UTS2B: variants seen among roughly 807,000 people sequenced by gnomAD.
UTS2B encodes urotensin-2B.
In UTS2B, 21 loss-of-function variants were observed where a neutral mutation model predicts 19.2. The observed-to-expected ratio is 1.09, with a 90% confidence interval of 0.78 to 1.58. The LOEUF is 1.58. UTS2B is among the 40% of genes most tolerant of loss of function. The pLI is 0.00. For synonymous variants in UTS2B, 57 were observed against 50.2 expected, an observed-to-expected ratio of 1.14 and a Z score of -0.58; for missense variants, 138 against 130.3, an observed-to-expected ratio of 1.06 and a Z score of -0.29.
At chr3:191,342,821 T>C in the UTS2B span, among the ~76,000 whole-genome samples, 28,628 of 152,236 alleles carry the variant, frequency 0.19, 3,175 homozygotes, top group Non-Finnish European at 0.24. Flanking sequence ...AAAAATTGTT[T>C]TGAAAAAATT....
intron 4 of UTS2B, among the ~76,000 whole-genome samples, chr3:191,297,524 A>G (rs1716886350): frequency 6.6e-6 from 1 of 152,188 alleles, no homozygotes; most frequent in South Asian, 2.1e-4. Context: ...GACAAAATTA[A>G]TTGCCTCTTC....
chr3:191,277,792 TGAG>T (rs1457543536), intron 6 of UTS2B, among the ~76,000 whole-genome samples: 1 of 151,894 alleles, frequency 6.6e-6, no homozygotes, highest in East Asian at 1.9e-4. Context: ...ATTGCATAGA[TGAG>T]AAGAAAATAT....
At chr3:191,320,321 G>A (rs549888099) in intron 2 of UTS2B, among the ~76,000 whole-genome samples, 1 of 152,156 alleles carries the variant, frequency 6.6e-6, no homozygotes, top group Non-Finnish European at 1.5e-5. Context: ...AAGTGAAAAG[G>A]CCCTGAAGCA....
intron 2 of UTS2B, among the ~76,000 whole-genome samples, chr3:191,323,019 T>G (rs999172601): frequency 1.9e-4 from 29 of 152,190 alleles, no homozygotes; most frequent in Admixed American, 1.4e-3. Context: ...TGTTAAATGC[T>G]TTGACTATCA....
Position 191,321,754 on chromosome 3 carries a change from C to T in UTS2B, c.-585-5315G>A, listed in dbSNP as rs150587034. Among the ~76,000 whole-genome samples, 274 of 152,200 alleles carry T rather than the reference C, an allele frequency of 1.8e-3. 2 individuals carry two copies. Among genetic ancestry groups the T allele is most frequent in the African/African-American group, 6.1e-3 (254 of 41,514 alleles). ...AAATATATGTGACTAGGGCCAGGTGCGGTGGCTCATGCCTGTCATCCCTGC... is the reference window on the plus strand; with the variant it reads ...AAATATATGTGACTAGGGCCAGGTGTGGTGGCTCATGCCTGTCATCCCTGC... On this transcript the variant is annotated intron_variant, in intron 2 of 8. Transcript: ENST00000340524.
At chr3:191,342,243 C>G in the UTS2B span, among the ~76,000 whole-genome samples, 1 of 152,190 alleles carries the variant, frequency 6.6e-6, no homozygotes, top group African/African-American at 2.4e-5. Flanking sequence ...GCCAGTATTG[C>G]AGTTTGCTTT....
At chr3:191,271,706 T>A (rs972325178) in intron 8 of UTS2B, among the ~76,000 whole-genome samples, 1 of 152,226 alleles carries the variant, frequency 6.6e-6, no homozygotes, top group Admixed American at 6.5e-5. Flanking sequence ...CTTTTCCTTA[T>A]ATTTGGAGTC....
chr3:191,296,806 T>A (rs868228394), intron 4 of UTS2B, among the ~76,000 whole-genome samples: 2 of 152,136 alleles, frequency 1.3e-5, no homozygotes, highest in African/African-American at 4.8e-5. Context: ...AGAATCTCAT[T>A]GCCTAGAGGA....
chr3:191,329,177 AG>A, intron 1 of UTS2B: 1 of 156,700 alleles, frequency 6.4e-6, no homozygotes, highest in Non-Finnish European at 1.4e-5. Context: ...CTCCCGTAGG[AG>A]GGGGGCAGGG....
intron 4 of UTS2B, among the ~76,000 whole-genome samples, chr3:191,304,119 G>A (rs866947017): frequency 2.2e-4 from 33 of 152,160 alleles, no homozygotes; most frequent in African/African-American, 7.2e-4. Context: ...CACCATACCC[G>A]GCTCATTTTT....
At chr3:191,271,272 A>C (rs1311794129) in intron 8 of UTS2B, among the ~76,000 whole-genome samples, 1 of 151,696 alleles carries the variant, frequency 6.6e-6, no homozygotes, top group Non-Finnish European at 1.5e-5. Context: ...CATCCAGACA[A>C]TGAGATATTG....
chr3:191,299,541 G>T (rs1190104668), intron 4 of UTS2B, among the ~76,000 whole-genome samples: 2 of 152,284 alleles, frequency 1.3e-5, no homozygotes, highest in Non-Finnish European at 2.9e-5. Context: ...GAGTGCAAGA[G>T]TTGGGGCTTG....
the UTS2B span, among the ~76,000 whole-genome samples, chr3:191,345,886 T>C: frequency 3.5e-4 from 53 of 152,316 alleles, no homozygotes; most frequent in African/African-American, 1.2e-3. Context: ...AAACTTATGC[T>C]TATTACCCTT....
chr3:191,329,440 G>C (rs989119675), intron 1 of UTS2B: 2 of 459,198 alleles, frequency 4.4e-6, no homozygotes, highest in Non-Finnish European at 7.6e-6. Flanking sequence ...CGGGGACGCG[G>C]AGCAGGTGGC....
Position 191,275,277 on chromosome 3 carries a change from T to C in UTS2B, c.309A>G (p.Leu103=), listed in dbSNP as rs750337679. ...DSETSYAVDG[L]FSSHPSKRAC... ...CTCGTTTGCTAGGATGAGAAGAGAA[T>C]AGACCATCTACAGCATAGGACGTCT... is the stretch of plus-strand genomic sequence containing the variant. Residue 103 remains leucine (L), a synonymous_variant, in exon 8 of 9, where the codon CTA becomes CTG. Transcript: ENST00000340524. 3 of 1,613,308 alleles carry C rather than the reference T, an allele frequency of 1.9e-6. No homozygotes were observed. The highest frequency in any genetic ancestry group is 2.5e-6 in the Non-Finnish European group (3 of 1,179,432).
chr3:191,321,577 C>G (rs1488341904), intron 2 of UTS2B, among the ~76,000 whole-genome samples: 2 of 152,144 alleles, frequency 1.3e-5, no homozygotes, highest in African/African-American at 2.4e-5. Flanking sequence ...TGTGTTTGCA[C>G]AAATCTTTTA....
At chr3:191,344,681 C>T in the UTS2B span, among the ~76,000 whole-genome samples, 10 of 152,134 alleles carry the variant, frequency 6.6e-5, no homozygotes, top group Non-Finnish European at 1.0e-4. Flanking sequence ...TGGGTTCAGG[C>T]GATTCTCCTG....
intron 4 of UTS2B, among the ~76,000 whole-genome samples, chr3:191,301,699 C>T (rs1717007411): frequency 6.6e-6 from 1 of 151,760 alleles, no homozygotes; most frequent in Admixed American, 6.6e-5. Flanking sequence ...CCGAGTTAGC[C>T]AGGATGGTCT....
At chr3:191,321,883 C>T (rs937288645) in intron 2 of UTS2B, among the ~76,000 whole-genome samples, 2 of 152,044 alleles carry the variant, frequency 1.3e-5, no homozygotes, top group Admixed American at 6.6e-5. Context: ...AAAAATTAGC[C>T]AGGCGTGGTG....
Sources: gnomAD v4.1 joint callset for allele counts (sites outside exome capture counted in the v4.1 genomes callset) on GRCh38, gnomAD v4.1.1 for gene constraint, MANE v1.5 for transcripts, NCBI Gene and HGNC (gene_info 2026-07-23, HGNC 2026-07-21) for gene names.